COL27A1: variants seen among roughly 807,000 people sequenced by gnomAD.
COL27A1 encodes collagen alpha-1(XXVII) chain.
In COL27A1, 106 loss-of-function variants were observed where a neutral mutation model predicts 251.3. The ratio of observed to expected loss-of-function variants is 0.42; its 90% CI spans 0.36 to 0.50. COL27A1 has a LOEUF of 0.50. Ranked by LOEUF, COL27A1 falls within the 20% of genes least tolerant of loss-of-function variation. The probability of loss-of-function intolerance (pLI) is 0.00; values close to 1 mark genes in which losing one functional copy is unlikely to be tolerated. For synonymous variants in COL27A1, 1,000 were observed against 986.3 expected (o/e 1.01, Z -0.26); for missense variants, 2,325 against 2,522.8 (o/e 0.92, Z 1.68).
intron 27 of COL27A1, 132 bp downstream of exon 27, chr9:114,253,064 A>G (rs981080406): frequency 5.4e-6 from 4 of 740,810 alleles, no homozygotes; most frequent in African/African-American, 5.3e-5. Flanking sequence ...GTTCAAGACC[A>G]GCCTGACAAA....
rs41306502 is a variant in COL27A1, at chr9:114,235,933, G to A, written c.2619+281G>A. Among the ~76,000 whole-genome samples the A allele has an allele frequency of 6.4e-3, 974 of 152,062 alleles. 2 individuals carry two copies. The highest frequency in any genetic ancestry group is 0.011 in the Non-Finnish European group (741 of 67,986). On this transcript the variant is annotated intron_variant, in intron 17 of 60. Transcript: ENST00000356083. ...TTCTGAGGGCAAAGCTCTGCTCTCCGCTCACACACCGTCCATGGCTCCCTA... is the reference window on the plus strand; with the variant it reads ...TTCTGAGGGCAAAGCTCTGCTCTCCACTCACACACCGTCCATGGCTCCCTA...
intron 1 of COL27A1, among the ~76,000 whole-genome samples, chr9:114,157,895 G>C (rs1188599299): frequency 6.6e-6 from 1 of 152,226 alleles, no homozygotes; most frequent in African/African-American, 2.4e-5. Context: ...GACCATGCTT[G>C]TAAAGGGCTT....
chr9:114,210,453 C>T (rs1393428465), intron 11 of COL27A1, among the ~76,000 whole-genome samples: 3 of 152,126 alleles, frequency 2.0e-5, no homozygotes, highest in Non-Finnish European at 2.9e-5. Context: ...CCAGGGGGAG[C>T]GGCTGTCTGG....
In COL27A1 at chr9:114,182,933, G is replaced by A. The variant is rs1828043499; in HGVS notation, c.1963-89G>A. On this transcript the variant is annotated intron_variant, in intron 4 of 60. Coordinates refer to ENST00000356083, the MANE Select transcript of COL27A1 (RefSeq NM_032888.4). ...TTGGGGAGAAGATAAACCAGTGGGTGGAGGGAAGGTGCCAGGCATTGCTGT... is the reference window on the plus strand; with the variant it reads ...TTGGGGAGAAGATAAACCAGTGGGTAGAGGGAAGGTGCCAGGCATTGCTGT... 9 of 1,108,926 alleles carry A rather than the reference G, an allele frequency of 8.1e-6. No individual in the cohort carries two copies. In the South Asian group the frequency reaches 9.2e-5, roughly 11 times the overall value. The allele number at this position is 1,108,926 out of a possible 1,614,324, so 68.7% of individuals were successfully genotyped here.
At chr9:114,194,524 T>G (rs902220923) in intron 6 of COL27A1, 67 bp downstream of exon 6, 42 of 1,371,324 alleles carry the variant, frequency 3.1e-5, no homozygotes, top group Non-Finnish European at 4.3e-5. Flanking sequence ...TGCCACACTT[T>G]AAAGCTAGCT....
chr9:114,175,247 C>A (rs564444940), intron 3 of COL27A1, among the ~76,000 whole-genome samples: 2 of 152,232 alleles, frequency 1.3e-5, no homozygotes, highest in African/African-American at 2.4e-5. Context: ...CCGCTCTGCT[C>A]CCCCTCAGCT....
intron 40 of COL27A1, among the ~76,000 whole-genome samples, chr9:114,283,999 C>T (rs528938885): frequency 6.6e-6 from 1 of 152,342 alleles, no homozygotes; most frequent in Non-Finnish European, 1.5e-5. Flanking sequence ...CACCCCAAGC[C>T]TTCTTGGGTA....
chr9:114,294,289 A>G (rs1353867502), intron 49 of COL27A1, among the ~76,000 whole-genome samples: 1 of 151,724 alleles, frequency 6.6e-6, no homozygotes, highest in Non-Finnish European at 1.5e-5. Context: ...CCAATTCTAC[A>G]TAACTTTTCC....
intron 1 of COL27A1, among the ~76,000 whole-genome samples, chr9:114,161,260 T>C (rs1402573357): frequency 1.3e-5 from 2 of 152,174 alleles, no homozygotes; most frequent in Non-Finnish European, 2.9e-5. Flanking sequence ...TTTGAAATGC[T>C]TTCCCAGGGT....
upstream of COL27A1, among the ~76,000 whole-genome samples, chr9:114,155,394 G>A (rs1848057961): frequency 6.6e-6 from 1 of 152,122 alleles, no homozygotes; most frequent in Non-Finnish European, 1.5e-5. This position sits in a 1 kb window ranked among gnomAD's most constrained non-coding sequence, Gnocchi z 5.5. Flanking sequence ...GGGCTGTAGT[G>A]GGCCAGCTGA....
intron 49 of COL27A1, among the ~76,000 whole-genome samples, chr9:114,297,272 G>A (rs538238664): frequency 1.2e-4 from 19 of 152,224 alleles, no homozygotes; most frequent in African/African-American, 4.6e-4. Flanking sequence ...GGGTGTATAG[G>A]AGACAGCCAT....
At chr9:114,237,633 G>A in intron 18 of COL27A1, 29 bp from the exon 19 acceptor site, 2 of 1,607,948 alleles carry the variant, frequency 1.2e-6, no homozygotes, top group Non-Finnish European at 1.7e-6. Flanking sequence ...CCTCACCCCT[G>A]CCTCCCTGCA....
At chr9:114,287,879 C>G (rs1827619351) in intron 41 of COL27A1, among the ~76,000 whole-genome samples, 1 of 152,224 alleles carries the variant, frequency 6.6e-6, no homozygotes, top group Non-Finnish European at 1.5e-5. Flanking sequence ...CGAGCCTCAT[C>G]TGTGAATTGG....
rs1331329283 is a variant in COL27A1, at chr9:114,164,660, C to T, written c.133+1875C>T. 2.6e-5 allele frequency among the ~76,000 whole-genome samples: 4 copies of T among 152,316 alleles called. No individual in the cohort carries two copies. In the South Asian group the frequency reaches 8.3e-4, roughly 32 times the overall value. On this transcript the variant is annotated intron_variant, in intron 2 of 60. Coordinates refer to ENST00000356083, the MANE Select transcript of COL27A1 (RefSeq NM_032888.4). Reference sequence around the variant, plus strand: ...AAGGAAGGACCAAGTGGCTTCCTGCCCTTACCTCTTGTCCAACCAAATGGC... The same window carrying T: ...AAGGAAGGACCAAGTGGCTTCCTGCTCTTACCTCTTGTCCAACCAAATGGC...
intron 3 of COL27A1, among the ~76,000 whole-genome samples, chr9:114,171,099 G>A (rs1381819064): frequency 2.0e-5 from 3 of 152,186 alleles, no homozygotes; most frequent in African/African-American, 7.2e-5. Context: ...TTTTCCTGGG[G>A]CTTGGGGCTC....
intron 1 of COL27A1, among the ~76,000 whole-genome samples, chr9:114,158,559 A>G (rs1848281391): frequency 6.6e-6 from 1 of 152,208 alleles, no homozygotes; most frequent in Admixed American, 6.5e-5. Context: ...TCTTCCTGAC[A>G]TTCTGGAGCC....
chr9:114,239,269 A>T (rs1259236060), intron 19 of COL27A1, among the ~76,000 whole-genome samples: 1 of 152,256 alleles, frequency 6.6e-6, no homozygotes, highest in Non-Finnish European at 1.5e-5. Flanking sequence ...TCTCACTTAG[A>T]GATGGGCCCA....
intron 31 of COL27A1, 130 bp from the exon 32 acceptor site, chr9:114,265,292 C>A: frequency 8.8e-7 from 1 of 1,132,712 alleles, no homozygotes; most frequent in Non-Finnish European, 1.3e-6. Flanking sequence ...TTCTCTGGGT[C>A]TCAGCCTTCC....
chr9:114,275,039 A>G (rs1268061209), intron 36 of COL27A1, among the ~76,000 whole-genome samples: 3 of 129,914 alleles, frequency 2.3e-5, no homozygotes, highest in African/African-American at 8.4e-5. Context: ...CAGCCTGGTC[A>G]ATGGTCTCCA....
Sources: allele counts gnomAD v4.1 joint callset (sites outside exome capture counted in the v4.1 genomes callset), GRCh38; gene constraint gnomAD v4.1.1; non-coding constraint Gnocchi (gnomAD v3.1); transcripts MANE v1.5; gene names NCBI Gene and HGNC (gene_info 2026-07-23, HGNC 2026-07-21).